Variants in XRN1 observed in about 807,000 individuals in gnomAD.
The protein encoded by XRN1 is strand-exchange protein 1 homolog.
A neutral mutation model predicts 222.3 loss-of-function variants in XRN1; 67 were observed. That is an observed-to-expected ratio of 0.30 (90% CI 0.25 to 0.37). XRN1 has a LOEUF of 0.37. Ranked by LOEUF, XRN1 falls within the 10% of genes least tolerant of loss-of-function variation. The probability of loss-of-function intolerance (pLI) is 1.00; values close to 1 mark genes in which losing one functional copy is unlikely to be tolerated. For missense variants in XRN1, 1,707 were observed against 2,000.2 expected (o/e 0.85, Z 2.80); for synonymous variants, 643 against 652.4 (o/e 0.99, Z 0.22).
rs776212325 is a variant in XRN1 at position 142,329,578 on chromosome 3, G to A, written c.4260C>T (p.Tyr1420=). 6.4e-7 allele frequency: 1 copy of A among 1,573,132 alleles called. No individual in the cohort carries two copies. ...YMNKPHSANE[Y]HNVQSMDNMC... ...TATTGTCCATAGACTGAACATTATG[G>A]TACTCATTAGCACTGTGAGGCTTGT... is the stretch of plus-strand genomic sequence containing the variant. Residue 1420 remains tyrosine, a synonymous_variant, in exon 37 of 41, where the codon TAC becomes TAT. Transcript: ENST00000392981.
chr3:142,438,778 A>G (rs964926975), intron 1 of XRN1, among the ~76,000 whole-genome samples: 1 of 152,184 alleles, frequency 6.6e-6, no homozygotes, highest in African/African-American at 2.4e-5. Context: ...TCTTCTGTAG[A>G]AAGGAGGGCA....
At chr3:142,348,637 T>C (rs966807001) in intron 32 of XRN1, among the ~76,000 whole-genome samples, 1 of 152,160 alleles carries the variant, frequency 6.6e-6, no homozygotes, top group African/African-American at 2.4e-5. Context: ...CTCTATTTAC[T>C]TTCTTATCAG....
intron 33 of XRN1, among the ~76,000 whole-genome samples, chr3:142,347,002 C>T (rs1355831565): frequency 2.0e-5 from 3 of 152,126 alleles, no homozygotes; most frequent in African/African-American, 7.2e-5. Flanking sequence ...TTGCCAAGGC[C>T]TGGAGGAGTG....
At chr3:142,379,514 G>A (rs1445903615) in intron 23 of XRN1, among the ~76,000 whole-genome samples, 3 of 152,154 alleles carry the variant, frequency 2.0e-5, no homozygotes, top group Non-Finnish European at 4.4e-5. Context: ...ATTAATTTTA[G>A]CTAATTATCC....
intron 20 of XRN1, among the ~76,000 whole-genome samples, chr3:142,390,865 GA>G (rs2067685435): frequency 6.6e-6 from 1 of 152,104 alleles, no homozygotes; most frequent in South Asian, 2.1e-4. Context: ...GACTACTTAA[GA>G]GGACATTGTA....
intron 18 of XRN1, 122 bp downstream of exon 18, chr3:142,403,552 C>G (rs2068225816): frequency 1.2e-6 from 1 of 810,040 alleles, no homozygotes; most frequent in Non-Finnish European, 2.0e-6. Context: ...TTTGCTTCAT[C>G]CTTATTTAGG....
chr3:142,356,786 A>C, intron 31 of XRN1, 126 bp downstream of exon 31: 2 of 962,544 alleles, frequency 2.1e-6, no homozygotes, highest in Non-Finnish European at 3.0e-6. Flanking sequence ...TTTGGAATTG[A>C]CCTGAGCCAA....
Position 142,360,766 on chromosome 3 carries a change from TG to T in XRN1, c.3395-836del, listed in dbSNP as rs549577737. On this transcript the variant is annotated intron_variant, in intron 29 of 40. Coordinates refer to ENST00000392981, the MANE Select transcript of XRN1 (RefSeq NM_001282857.2). ...GCAGGCGCCTGTTGTCCCAGCTAGT[TG>T]GGAGGCTGAGGCAGGAGAATGGCAT... Among the ~76,000 whole-genome samples the T allele has an allele frequency of 5.3e-3, 780 of 147,392 alleles. 9 individuals carry two copies. Among genetic ancestry groups the T allele is most frequent in the African/African-American group, 0.019 (759 of 39,934 alleles).
At chr3:142,431,024 A>C (rs1270966389) in intron 2 of XRN1, among the ~76,000 whole-genome samples, 1 of 152,176 alleles carries the variant, frequency 6.6e-6, no homozygotes, top group African/African-American at 2.4e-5. Flanking sequence ...ATCTGGACTT[A>C]TGCTCAGTCA....
chr3:142,354,461 A>T (rs1324618814), intron 32 of XRN1, among the ~76,000 whole-genome samples: 1 of 152,202 alleles, frequency 6.6e-6, no homozygotes, highest in Non-Finnish European at 1.5e-5. Flanking sequence ...TTCTTCCAAA[A>T]AGACACATAC....
At position 142,417,986 on chromosome 3, in the gene XRN1, T is replaced by C. The variant is rs146907349; in HGVS notation, c.1346+518A>G. 4.7e-3 allele frequency: 717 copies of C among 152,566 alleles called. 9 individuals carry two copies. Among genetic ancestry groups the C allele is most frequent in the Middle Eastern group, 0.027 (8 of 294 alleles). 9.5% of individuals were successfully genotyped at this position (152,566 alleles called of 1,614,324 possible). A position where few individuals can be genotyped will look rare whatever the true frequency, so the allele number is the denominator to read the frequency against. On this transcript the variant is annotated intron_variant, in intron 12 of 40. Coordinates refer to ENST00000392981, the MANE Select transcript of XRN1 (RefSeq NM_001282857.2). ...CTTTTACATTTTTAGTGTTTCAGTC[T>C]TTTATCTATATCTAGGTTTTTTTAA... is the stretch of plus-strand genomic sequence containing the variant.
chr3:142,381,855 C>T (rs1489907133), intron 22 of XRN1, among the ~76,000 whole-genome samples: 1 of 152,054 alleles, frequency 6.6e-6, no homozygotes, highest in African/African-American at 2.4e-5. Flanking sequence ...AGTGAGCCAC[C>T]ATACCCAGCC....
At chr3:142,427,914 C>T (rs1411448039) in intron 2 of XRN1, among the ~76,000 whole-genome samples, 1 of 152,196 alleles carries the variant, frequency 6.6e-6, no homozygotes, top group African/African-American at 2.4e-5. Context: ...CTGTGATGAA[C>T]AAACTCTTCT....
intron 2 of XRN1, among the ~76,000 whole-genome samples, chr3:142,429,984 G>T (rs2069453099): frequency 6.6e-6 from 1 of 152,192 alleles, no homozygotes; most frequent in African/African-American, 2.4e-5. Flanking sequence ...TGGAACAGAT[G>T]CAGCTGTAGC....
chr3:142,431,956 ATATATAATATAATATAT>A (rs1559880114), intron 2 of XRN1, among the ~76,000 whole-genome samples: 27 of 97,914 alleles, frequency 2.8e-4, no homozygotes, highest in African/African-American at 1.1e-3. Flanking sequence ...ATAATATATT[ATATATAATATAATATAT>A]TGTATATATT....
chr3:142,385,723 C>T (rs1255407046), intron 20 of XRN1, among the ~76,000 whole-genome samples: 1 of 151,954 alleles, frequency 6.6e-6, no homozygotes, highest in Non-Finnish European at 1.5e-5. Context: ...ATCTCCTTTC[C>T]ATTTTCTCTT....
At chr3:142,444,794 C>T (rs776294616) in intron 1 of XRN1, among the ~76,000 whole-genome samples, 1 of 151,792 alleles carries the variant, frequency 6.6e-6, no homozygotes, top group East Asian at 1.9e-4. Context: ...CATGCCTGTA[C>T]GAAAACATCT....
intron 33 of XRN1, among the ~76,000 whole-genome samples, chr3:142,340,248 G>A (rs1277437689): frequency 6.6e-6 from 1 of 151,998 alleles, no homozygotes; most frequent in Non-Finnish European, 1.5e-5. Context: ...CCAGCTACTT[G>A]GGAGGCTGAG....
At chr3:142,431,899 A>G (rs2069577908) in intron 2 of XRN1, among the ~76,000 whole-genome samples, 1 of 32,808 alleles carries the variant, frequency 3.0e-5, no homozygotes, top group Non-Finnish European at 5.3e-5. Context: ...TATAATATAT[A>G]TATTATATAT....
Sources: gnomAD v4.1 joint callset for allele counts (sites outside exome capture counted in the v4.1 genomes callset) on GRCh38, gnomAD v4.1.1 for gene constraint, MANE v1.5 for transcripts, NCBI Gene and HGNC (gene_info 2026-07-23, HGNC 2026-07-21) for gene names.